The following CCDC77 variants were observed in gnomAD, a reference collection of about 807,000 sequenced individuals.
CCDC77 encodes the protein coiled-coil domain-containing protein 77.
A neutral mutation model predicts 66.8 loss-of-function variants in CCDC77; 56 were observed. That is an observed-to-expected ratio of 0.84 (90% confidence interval 0.68 to 1.05). The LOEUF (loss-of-function observed/expected upper bound fraction) is 1.05. Among genes scored for constraint, CCDC77 ranks in the 50% least tolerant of loss-of-function variants. CCDC77 has a pLI of 0.00. For synonymous variants in CCDC77, 196 were observed against 195.2 expected, an observed-to-expected ratio of 1.00 and a Z score of -0.03; for missense variants, 570 against 576.8, an observed-to-expected ratio of 0.99 and a Z score of 0.12.
chr12:423,313 T>A (rs1344827310), intron 5 of CCDC77, among the ~76,000 whole-genome samples: 2 of 146,084 alleles, frequency 1.4e-5, no homozygotes, highest in East Asian at 4.0e-4. Flanking sequence ...TATATATTTT[T>A]TTTTTTTGTG....
intron 2 of CCDC77, among the ~76,000 whole-genome samples, chr12:408,417 T>C (rs1336022523): frequency 6.6e-6 from 1 of 152,196 alleles, no homozygotes; most frequent in Non-Finnish European, 1.5e-5. Flanking sequence ...TTTTTTTTCT[T>C]TTGCTTAAGA....
chr12:437,267 A>G (rs1261736827), intron 9 of CCDC77, among the ~76,000 whole-genome samples: 1 of 152,184 alleles, frequency 6.6e-6, no homozygotes, highest in Non-Finnish European at 1.5e-5. Flanking sequence ...CTATTCCTAA[A>G]TTTCAGGAAA....
chr12:398,867 C>T (rs1944861863), upstream of CCDC77, among the ~76,000 whole-genome samples: 1 of 152,024 alleles, frequency 6.6e-6, no homozygotes, highest in Admixed American at 6.6e-5. Flanking sequence ...TCAAGCAATC[C>T]TCCCACCTCA....
chr12:436,454 C>G (rs1315552897), intron 9 of CCDC77, among the ~76,000 whole-genome samples: 1 of 151,732 alleles, frequency 6.6e-6, no homozygotes, highest in Non-Finnish European at 1.5e-5. Flanking sequence ...TCGATCCTGA[C>G]CTCAGGTAAC....
chr12:426,102 G>T (rs908246000), intron 5 of CCDC77, among the ~76,000 whole-genome samples: 1 of 152,014 alleles, frequency 6.6e-6, no homozygotes, highest in Admixed American at 6.6e-5. Flanking sequence ...CGACCTCGTG[G>T]TCCACCCGCC....
intron 4 of CCDC77, among the ~76,000 whole-genome samples, chr12:414,990 T>G (rs940164563): frequency 6.6e-6 from 1 of 151,976 alleles, no homozygotes; most frequent in African/African-American, 2.4e-5. Flanking sequence ...TTTTTGGAGG[T>G]TTACTTGTCA....
chr12:395,350 A>T (rs1386528013), intron 1 of CCDC77: 1 of 152,192 alleles, frequency 6.6e-6, no homozygotes, highest in Non-Finnish European at 1.5e-5. Context: ...TGGCCTCCCG[A>T]AGTGCTGGAA....
At chr12:425,819 C>T (rs78757962) in intron 5 of CCDC77, among the ~76,000 whole-genome samples, 9,408 of 152,152 alleles carry the variant, frequency 0.062, 926 homozygotes, top group African/African-American at 0.21. Flanking sequence ...AGCTACTGGC[C>T]ATCTGTGGAG....
chr12:410,833 A>G (rs951763233), intron 3 of CCDC77, among the ~76,000 whole-genome samples: 1 of 152,250 alleles, frequency 6.6e-6, no homozygotes, highest in African/African-American at 2.4e-5. Context: ...GGCATGAGCC[A>G]CTGCACCCGG....
chr12:431,800 GATA>G, intron 7 of CCDC77, 63 bp from the exon 8 acceptor site: 1 of 1,012,208 alleles, frequency 9.9e-7, no homozygotes, highest in Non-Finnish European at 1.5e-6. Flanking sequence ...GGGAAATACT[GATA>G]TTTCAATAGC....
chr12:436,265 C>G (rs982798248), intron 9 of CCDC77, among the ~76,000 whole-genome samples: 2 of 151,766 alleles, frequency 1.3e-5, no homozygotes, highest in Admixed American at 6.6e-5. Flanking sequence ...CTACAGGCGC[C>G]CACCACCACG....
intron 4 of CCDC77, among the ~76,000 whole-genome samples, chr12:412,402 A>G (rs1000712852): frequency 6.6e-6 from 1 of 152,252 alleles, no homozygotes; most frequent in Admixed American, 6.5e-5. Context: ...CTCCACCTGC[A>G]TAGCAAAAAC....
chr12:413,262 C>A (rs893125862), intron 4 of CCDC77, among the ~76,000 whole-genome samples: 2 of 130,702 alleles, frequency 1.5e-5, no homozygotes, highest in East Asian at 5.0e-4. Flanking sequence ...TTTGAGACAG[C>A]GTCTTACTCT....
intron 2 of CCDC77, 117 bp from the exon 3 acceptor site, chr12:409,251 T>A (rs1945059421): frequency 1.5e-6 from 1 of 671,974 alleles, no homozygotes; most frequent in Non-Finnish European, 2.6e-6. Context: ...TTTTAAAACA[T>A]CAGATTCTTT....
chr12:430,340 G>A (rs578008609), intron 6 of CCDC77, among the ~76,000 whole-genome samples: 1 of 151,916 alleles, frequency 6.6e-6, no homozygotes, highest in South Asian at 2.1e-4. Context: ...TGCCCAGGTT[G>A]GAGTGCAGTG....
chr12:413,541 TCTAG>T (rs2137554659), intron 4 of CCDC77, among the ~76,000 whole-genome samples: 1 of 149,118 alleles, frequency 6.7e-6, no homozygotes, highest in East Asian at 2.0e-4. Context: ...GCCCGGCCTC[TCTAG>T]CTACTCTTTT....
chr12:432,734 A>G (rs1025211224), intron 8 of CCDC77, among the ~76,000 whole-genome samples: 3 of 152,164 alleles, frequency 2.0e-5, no homozygotes, highest in Non-Finnish European at 2.9e-5. Context: ...GCCTAACCCC[A>G]TTTATAAGAC....
rs188358080 is a variant in CCDC77, at chr12:422,677, C to G, written c.413+4041C>G. Reference sequence around the variant, plus strand: ...TTTATCCATTCATCCACCAGTGGAGCTCAGCTCACTGTAACCTCCGCCTTC... The same window carrying G: ...TTTATCCATTCATCCACCAGTGGAGGTCAGCTCACTGTAACCTCCGCCTTC... On this transcript the variant is annotated intron_variant, in intron 5 of 12. Coordinates refer to ENST00000239830, the MANE Select transcript of CCDC77 (RefSeq NM_032358.4). Among the ~76,000 whole-genome samples the G allele has an allele frequency of 1.5e-3, 232 of 152,382 alleles. 1 individual carries two copies. The highest frequency in any genetic ancestry group is 5.0e-3 in the African/African-American group (206 of 41,588).
chr12:412,023 A>G (rs1945121860), intron 4 of CCDC77, 45 bp downstream of exon 4: 1 of 1,420,358 alleles, frequency 7.0e-7, no homozygotes, highest in Admixed American at 1.9e-5. Context: ...TGGAGTCTTC[A>G]TAAATTAGAG....
Sources: allele counts gnomAD v4.1 joint callset (sites outside exome capture counted in the v4.1 genomes callset), GRCh38; gene constraint gnomAD v4.1.1; transcripts MANE v1.5; gene names NCBI Gene and HGNC (gene_info 2026-07-23, HGNC 2026-07-21).